The following SLC15A5 variants were observed in gnomAD, a reference collection of about 807,000 sequenced individuals.
The protein encoded by SLC15A5 is Peptide/histidine transporter ENSP00000340402.
SLC15A5 carries 58 observed loss-of-function variants against 56.1 expected under a neutral mutation model. The ratio of observed to expected loss-of-function variants is 1.03; its 90% CI spans 0.84 to 1.29. The LOEUF (loss-of-function observed/expected upper bound fraction) is 1.29. Among genes scored for constraint, SLC15A5 ranks in the 50% most tolerant of loss-of-function variants. SLC15A5 has a pLI of 0.00. For synonymous variants in SLC15A5, 264 were observed against 250.5 expected (o/e 1.05, Z -0.51); for missense variants, 681 against 672.1 (o/e 1.01, Z -0.15).
At chr12:16,206,739 T>C (rs1864023756) in intron 7 of SLC15A5, among the ~76,000 whole-genome samples, 2 of 152,206 alleles carry the variant, frequency 1.3e-5, no homozygotes, top group Non-Finnish European at 2.9e-5. Context: ...GACTTTAATG[T>C]GCATTTCCAG....
At chr12:16,234,600 A>G (rs1307939993) in intron 5 of SLC15A5, among the ~76,000 whole-genome samples, 1 of 152,218 alleles carries the variant, frequency 6.6e-6, no homozygotes, top group Non-Finnish European at 1.5e-5. Flanking sequence ...TACAAGATAA[A>G]GCACAATGGT....
chr12:16,207,384 C>T (rs1240639354), intron 7 of SLC15A5, among the ~76,000 whole-genome samples: 1 of 152,158 alleles, frequency 6.6e-6, no homozygotes, highest in Non-Finnish European at 1.5e-5. Flanking sequence ...ATAATGATTT[C>T]ATAATTTTAG....
intron 2 of SLC15A5, among the ~76,000 whole-genome samples, chr12:16,266,339 G>A (rs745429864): frequency 1.6e-4 from 24 of 152,148 alleles, no homozygotes; most frequent in Non-Finnish European, 3.2e-4. Flanking sequence ...AGGGAACACC[G>A]TGTGACTCTT....
chr12:16,261,341 G>T (rs1864641193), intron 2 of SLC15A5, among the ~76,000 whole-genome samples: 1 of 152,018 alleles, frequency 6.6e-6, no homozygotes, highest in South Asian at 2.1e-4. Flanking sequence ...TAAATTATCT[G>T]TATTTTTTAA....
At chr12:16,190,661 G>A (rs894030565) in intron 8 of SLC15A5, among the ~76,000 whole-genome samples, 3 of 152,144 alleles carry the variant, frequency 2.0e-5, no homozygotes, top group Non-Finnish European at 4.4e-5. Context: ...AAAAATAGAT[G>A]GGGTCAGTCA....
intron 7 of SLC15A5, among the ~76,000 whole-genome samples, chr12:16,215,803 C>T (rs953700293): frequency 2.0e-5 from 3 of 152,208 alleles, no homozygotes; most frequent in African/African-American, 7.2e-5. Context: ...TTCCCAAGAA[C>T]TCTGCTGCTC....
intron 5 of SLC15A5, among the ~76,000 whole-genome samples, chr12:16,228,342 A>C (rs11830892): frequency 6.6e-6 from 1 of 152,224 alleles, no homozygotes; most frequent in Non-Finnish European, 1.5e-5. Context: ...CAAGACAATG[A>C]AGTAAAAGTG....
Position 16,271,105 on chromosome 12 carries a change from T to A in SLC15A5, c.584+1456A>T, listed in dbSNP as rs1182613745. ...CCTGGTTCCTTACAGCTGCAGAAATTCATTTTCACCCCATTCCCCATCCCC... is the reference window on the plus strand; with the variant it reads ...CCTGGTTCCTTACAGCTGCAGAAATACATTTTCACCCCATTCCCCATCCCC... On this transcript the variant is annotated intron_variant, in intron 2 of 8. Transcript: ENST00000344941. The surrounding 1 kb of genome is among the most constrained non-coding windows in gnomAD (Gnocchi z 8.0). Among the ~76,000 whole-genome samples the A allele has an allele frequency of 6.6e-6, 1 of 152,166 alleles. No homozygotes were observed. The highest frequency in any genetic ancestry group is 1.5e-5 in the Non-Finnish European group (1 of 68,036).
intron 5 of SLC15A5, among the ~76,000 whole-genome samples, chr12:16,231,750 G>T (rs953319508): frequency 6.6e-6 from 1 of 152,228 alleles, no homozygotes; most frequent in South Asian, 2.1e-4. Flanking sequence ...GGCTGAGGCT[G>T]AAAATGGAAA....
Position 16,259,898 on chromosome 12 carries a change from G to GGC in SLC15A5, c.585-2029_585-2028insGC, listed in dbSNP as rs1555173550. ...TTGCTGTACCCAGCTGACACCACCC[G>GGC]GGCGGGGGGTAAGTTAGAGCACTTC... On this transcript the variant is annotated intron_variant, in intron 2 of 8. Transcript: ENST00000344941. 3.8e-3 allele frequency among the ~76,000 whole-genome samples: 178 copies of GGC among 47,336 alleles called. 3 individuals carry two copies. The highest frequency in any genetic ancestry group is 7.7e-3 in the Non-Finnish European group (133 of 17,248). 31.1% of individuals were successfully genotyped at this position (47,336 alleles called of 152,430 possible). A position where few individuals can be genotyped will look rare whatever the true frequency, so the allele number is the denominator to read the frequency against.
intron 3 of SLC15A5, among the ~76,000 whole-genome samples, chr12:16,252,583 A>G (rs1864530287): frequency 6.6e-6 from 1 of 152,092 alleles, no homozygotes; most frequent in Non-Finnish European, 1.5e-5. Context: ...ATACTTAGAA[A>G]TAAACTTAAC....
At chr12:16,264,097 C>T (rs992023986) in intron 2 of SLC15A5, among the ~76,000 whole-genome samples, 23 of 152,164 alleles carry the variant, frequency 1.5e-4, no homozygotes, top group African/African-American at 2.2e-4. Context: ...CAGCTTGCAC[C>T]GTGTGCCTGG....
intron 5 of SLC15A5, among the ~76,000 whole-genome samples, chr12:16,230,783 C>T (rs983483362): frequency 1.3e-5 from 2 of 149,300 alleles, no homozygotes; most frequent in East Asian, 2.0e-4. Flanking sequence ...AATAGCCGGG[C>T]GTGGTGGTGG....
At chr12:16,194,497 A>C in intron 7 of SLC15A5, 44 bp from the exon 8 acceptor site, 1 of 1,285,990 alleles carries the variant, frequency 7.8e-7, no homozygotes, top group Non-Finnish European at 1.1e-6. Flanking sequence ...CAGAGTTGTA[A>C]GTTTCTGTGA....
chr12:16,251,691 C>T (rs942063810), intron 3 of SLC15A5, among the ~76,000 whole-genome samples: 4 of 151,818 alleles, frequency 2.6e-5, no homozygotes, highest in Admixed American at 2.6e-4. Context: ...AACCCCCTAA[C>T]AAAGAAAAGC....
Position 16,217,738 on chromosome 12 carries a change from G to A in SLC15A5, c.1352-714C>T, listed in dbSNP as rs541437156. Among the ~76,000 whole-genome samples, 6 of 152,098 alleles carry A rather than the reference G, an allele frequency of 3.9e-5. No homozygotes were observed. In the East Asian group the frequency reaches 7.8e-4, roughly 20 times the overall value. On this transcript the variant is annotated intron_variant, in intron 6 of 8. Transcript: ENST00000344941. The stretch of plus-strand genomic sequence containing the variant: ...AATTGAGTAGTTCCTACTTGTGCAG[G>A]CACTGTACAAAGCCCTTAATATGCA...
intron 6 of SLC15A5, among the ~76,000 whole-genome samples, chr12:16,222,056 T>G (rs1864192250): frequency 6.6e-6 from 1 of 152,114 alleles, no homozygotes; most frequent in South Asian, 2.1e-4. Context: ...AATATTAGGT[T>G]GGTGAAAAAG....
At position 16,189,374 on chromosome 12, in the gene SLC15A5, T is replaced by C; in HGVS notation, c.*294A>G. The C allele has an allele frequency of 5.1e-6, 1 of 194,644 alleles. No individual in the cohort carries two copies. Among genetic ancestry groups the C allele is most frequent in the African/African-American group, 2.3e-5 (1 of 43,442 alleles). The allele number at this position is 194,644 out of a possible 1,614,324, so 12.1% of individuals were successfully genotyped here. On this transcript the variant is annotated 3_prime_UTR_variant, in exon 9 of 9. Transcript: ENST00000344941. Reference sequence around the variant, plus strand: ...TACGCTTTCAATGGCTGAACCATTGTAGAAAGCTGTAAGGTATTATTGGTG... The same window carrying C: ...TACGCTTTCAATGGCTGAACCATTGCAGAAAGCTGTAAGGTATTATTGGTG...
At chr12:16,236,281 A>G (rs1864351288) in intron 5 of SLC15A5, among the ~76,000 whole-genome samples, 1 of 152,238 alleles carries the variant, frequency 6.6e-6, no homozygotes, top group South Asian at 2.1e-4. Context: ...GATAGAAGAT[A>G]AATTACAATA....
Sources: gnomAD v4.1 joint callset for allele counts (sites outside exome capture counted in the v4.1 genomes callset) on GRCh38, gnomAD v4.1.1 for gene constraint, Gnocchi (gnomAD v3.1) non-coding constraint, MANE v1.5 for transcripts, NCBI Gene and HGNC (gene_info 2026-07-23, HGNC 2026-07-21) for gene names.